Variants in SYTL5 observed in about 807,000 individuals in gnomAD.
SYTL5 encodes synaptotagmin like 5.
Under a neutral mutation model 55.9 loss-of-function variants are expected in SYTL5, and 34 were observed. The observed-to-expected ratio is 0.61, with a 90% CI of 0.46 to 0.81. The LOEUF (loss-of-function observed/expected upper bound fraction) is 0.81. Ranked by LOEUF, SYTL5 falls within the 30% of genes least tolerant of loss-of-function variation. The pLI is 0.00. For synonymous variants in SYTL5, 221 were observed against 188.7 expected, an observed-to-expected ratio of 1.17 and a Z score of -1.40; for missense variants, 637 against 546.7, an observed-to-expected ratio of 1.17 and a Z score of -1.65.
the SYTL5 span, among the ~76,000 whole-genome samples, chrX:37,982,785 A>C: frequency 2.7e-5 from 3 of 111,898 alleles, no homozygotes; most frequent in South Asian, 1.1e-3. Flanking sequence ...TTCATATAAC[A>C]AAAGCTATAA....
At chrX:38,101,746 A>T (rs1937091978) in intron 9 of SYTL5, among the ~76,000 whole-genome samples, 1 of 108,941 alleles carries the variant, frequency 9.2e-6, no homozygotes, top group African/African-American at 3.3e-5. Context: ...TTAATGAGAG[A>T]CCTAAGTTTT....
At chrX:38,093,763 A>G (rs1246783485) in intron 7 of SYTL5, among the ~76,000 whole-genome samples, 1 of 110,737 alleles carries the variant, frequency 9.0e-6, no homozygotes, top group Non-Finnish European at 1.9e-5. Flanking sequence ...CATGCATGAA[A>G]GTCATTCCAA....
chrX:37,951,049 A>T, the SYTL5 span, among the ~76,000 whole-genome samples: 5 of 49,890 alleles, frequency 1.0e-4, no homozygotes, highest in East Asian at 6.2e-3. Context: ...ACGAGGAATA[A>T]AAAAAAAAAA....
chrX:37,978,351 A>C, the SYTL5 span, among the ~76,000 whole-genome samples: 1 of 111,717 alleles, frequency 9.0e-6, no homozygotes, highest in African/African-American at 3.3e-5. Flanking sequence ...TATGGGAGGA[A>C]AGACAGGTGG....
intron 7 of SYTL5, among the ~76,000 whole-genome samples, chrX:38,092,359 A>G (rs764882939): frequency 7.4e-4 from 83 of 111,551 alleles, no homozygotes; most frequent in African/African-American, 2.6e-3. Context: ...GGATGGCTCA[A>G]TCCAAGTCTG....
intron 5 of SYTL5, among the ~76,000 whole-genome samples, chrX:38,075,686 A>T (rs1936373549): frequency 8.9e-6 from 1 of 112,064 alleles, no homozygotes; most frequent in Non-Finnish European, 1.9e-5. Flanking sequence ...AAAGCTTCAG[A>T]TGCTTTGACA....
chrX:37,956,105 A>G, the SYTL5 span, among the ~76,000 whole-genome samples: 1 of 112,121 alleles, frequency 8.9e-6, no homozygotes, highest in African/African-American at 3.2e-5. Flanking sequence ...GTCTCAGTTT[A>G]AGATGCAAAA....
At chrX:38,079,375 G>C (rs1356512103) in intron 6 of SYTL5, among the ~76,000 whole-genome samples, 1 of 112,106 alleles carries the variant, frequency 8.9e-6, no homozygotes, top group Admixed American at 9.5e-5. Context: ...AGTATGAATA[G>C]ATTAAAGAAG....
intron 3 of SYTL5, among the ~76,000 whole-genome samples, chrX:38,070,363 A>G (rs1936225022): frequency 9.0e-6 from 1 of 110,951 alleles, no homozygotes; most frequent in East Asian, 2.8e-4. Context: ...CTCAGCCACC[A>G]TATCAGACAT....
At position 38,091,518 on chromosome X, in the gene SYTL5, G is replaced by T. The variant is rs771145331; in HGVS notation, c.831+1931G>T. Among the ~76,000 whole-genome samples the T allele has an allele frequency of 3.5e-5, 3 of 86,424 alleles. No individual in the cohort carries two copies. The South Asian group carries it at 1.6e-3, about 45-fold the overall frequency. The allele number at this position is 86,424 out of a possible 115,157, so 75.0% of individuals were successfully genotyped here. A position where few individuals can be genotyped will look rare whatever the true frequency, so the allele number is the denominator to read the frequency against. On this transcript the variant is annotated intron_variant, in intron 7 of 16. Transcript: ENST00000297875. The stretch of plus-strand genomic sequence containing the variant: ...GAAATCACAACAGACACTGGCACAA[G>T]GCTGGGGCAGTATGCGGGGGCCCTT...
intron 2 of SYTL5, 38 bp downstream of exon 2, chrX:38,034,046 C>A: frequency 1.2e-6 from 1 of 860,640 alleles, no homozygotes; most frequent in Non-Finnish European, 1.6e-6. Context: ...TCCTTGACTG[C>A]TTTCTGTTTG....
the SYTL5 span, among the ~76,000 whole-genome samples, chrX:37,896,900 A>G: frequency 8.9e-6 from 1 of 112,457 alleles, no homozygotes; most frequent in Non-Finnish European, 1.9e-5. Flanking sequence ...TGAATGTTAT[A>G]ATTACTGCAG....
At chrX:38,078,292 G>A (rs1169530579) in intron 6 of SYTL5, among the ~76,000 whole-genome samples, 7 of 106,810 alleles carry the variant, frequency 6.6e-5, no homozygotes, top group African/African-American at 2.4e-4. Flanking sequence ...ATGGAGTCTC[G>A]CTCTGTCTCC....
chrX:37,902,660 TC>T, the SYTL5 span, among the ~76,000 whole-genome samples: 1 of 111,061 alleles, frequency 9.0e-6, no homozygotes, highest in Non-Finnish European at 1.9e-5. Context: ...TATGTTTCTC[TC>T]CCTCCGCCAA....
At chrX:38,002,037 C>G (rs1933871301), upstream of SYTL5, among the ~76,000 whole-genome samples, 1 of 108,365 alleles carries the variant, frequency 9.2e-6, no homozygotes, top group Admixed American at 9.9e-5. Flanking sequence ...CACAACAGTC[C>G]CCAGAGTGTG....
chrX:37,989,896 C>T, the SYTL5 span, among the ~76,000 whole-genome samples: 5 of 109,777 alleles, frequency 4.6e-5, no homozygotes, highest in African/African-American at 6.6e-5. Flanking sequence ...TTTTTGAGAC[C>T]GAGTCCCGCT....
the SYTL5 span, among the ~76,000 whole-genome samples, chrX:37,933,735 A>T: frequency 0.025 from 2,820 of 111,835 alleles, 37 homozygotes; most frequent in Non-Finnish European, 0.04. Context: ...AAATTGTAAC[A>T]TGTTTCTGGA....
chrX:37,982,494 T>C, the SYTL5 span, among the ~76,000 whole-genome samples: 5 of 112,470 alleles, frequency 4.4e-5, no homozygotes, highest in African/African-American at 1.6e-4. Flanking sequence ...ATAAGTAAGA[T>C]AAACAGAGCA....
At chrX:37,929,307 G>A in the SYTL5 span, among the ~76,000 whole-genome samples, 2 of 111,220 alleles carry the variant, frequency 1.8e-5, no homozygotes, top group Non-Finnish European at 3.8e-5. Context: ...TTTCTTCTCA[G>A]CAACAGGATG....
Sources: gnomAD v4.1 joint callset for allele counts (sites outside exome capture counted in the v4.1 genomes callset) on GRCh38, gnomAD v4.1.1 for gene constraint, MANE v1.5 for transcripts, NCBI Gene and HGNC (gene_info 2026-07-23, HGNC 2026-07-21) for gene names.